KSR2: variants seen among roughly 807,000 people sequenced by gnomAD.
KSR2 encodes the protein kinase suppressor of ras 2.
KSR2 carries 25 observed loss-of-function variants against 107.8 expected under a neutral mutation model. That is an observed-to-expected ratio of 0.23 (90% CI 0.17 to 0.32). The LOEUF (loss-of-function observed/expected upper bound fraction) is 0.32, where lower values mean the gene tolerates loss of function less well. Ranked by LOEUF, KSR2 falls within the 10% of genes least tolerant of loss-of-function variation. The pLI, the probability that KSR2 is intolerant of heterozygous loss-of-function variation, is 1.00. For missense variants in KSR2, 887 were observed against 1,268.9 expected, an observed-to-expected ratio of 0.70 and a Z score of 4.57; for synonymous variants, 480 against 507.0, an observed-to-expected ratio of 0.95 and a Z score of 0.71.
chr12:117,645,987 A>G (rs918444900), intron 5 of KSR2, among the ~76,000 whole-genome samples: 2 of 151,760 alleles, frequency 1.3e-5, no homozygotes, highest in African/African-American at 4.8e-5. Flanking sequence ...AATATGTTCA[A>G]GTCCCTGATA....
intron 5 of KSR2, among the ~76,000 whole-genome samples, chr12:117,603,983 C>T (rs1264155878): frequency 6.6e-6 from 1 of 152,220 alleles, no homozygotes; most frequent in Admixed American, 6.5e-5. Context: ...AGATCACCAA[C>T]CATGGAGTGG....
intron 14 of KSR2, among the ~76,000 whole-genome samples, chr12:117,520,930 G>A (rs530255170): frequency 4.6e-5 from 7 of 152,238 alleles, no homozygotes; most frequent in South Asian, 4.2e-4. Context: ...GGCCAGGGAC[G>A]CTGCCAAACA....
At chr12:117,920,417 T>G (rs749349297) in intron 1 of KSR2, among the ~76,000 whole-genome samples, 1 of 151,970 alleles carries the variant, frequency 6.6e-6, no homozygotes, top group Non-Finnish European at 1.5e-5. Flanking sequence ...TTTTAACAAT[T>G]TTAATGAAAG....
intron 3 of KSR2, among the ~76,000 whole-genome samples, chr12:117,840,962 G>A (rs1313538661): frequency 3.3e-5 from 5 of 151,366 alleles, no homozygotes; most frequent in Admixed American, 6.6e-5. Flanking sequence ...AGATTAAGCC[G>A]CTGCAATCTA....
chr12:117,745,599 A>G (rs918308631), intron 4 of KSR2, among the ~76,000 whole-genome samples: 3 of 152,198 alleles, frequency 2.0e-5, no homozygotes, highest in Admixed American at 1.3e-4. Flanking sequence ...GGCAAGAGAA[A>G]GAAATAAAGG....
chr12:117,739,673 C>G (rs562414774), intron 4 of KSR2, among the ~76,000 whole-genome samples: 1 of 152,268 alleles, frequency 6.6e-6, no homozygotes, highest in South Asian at 2.1e-4. Flanking sequence ...GCAAGACATG[C>G]AGGGTCCTTG....
At position 117,469,807 on chromosome 12, in the gene KSR2, C is replaced by A; in HGVS notation, c.2713-12G>T. ...AAGAGAAGAATGTCCTAAATGAAACCAATGTGTGGTGATTACACATAAATG... is the reference window on the plus strand; with the variant it reads ...AAGAGAAGAATGTCCTAAATGAAACAAATGTGTGGTGATTACACATAAATG... On this transcript the variant is annotated splice_polypyrimidine_tract_variant and intron_variant, in intron 18 of 19. Coordinates refer to ENST00000339824, the MANE Select transcript of KSR2 (RefSeq NM_173598.6). 6.2e-6 allele frequency: 10 copies of A among 1,613,550 alleles called. No individual in the cohort carries two copies. Among genetic ancestry groups the A allele is most frequent in the Non-Finnish European group, 8.5e-6 (10 of 1,179,672 alleles).
At chr12:117,498,094 G>A (rs757312274) in intron 14 of KSR2, among the ~76,000 whole-genome samples, 15 of 152,116 alleles carry the variant, frequency 9.9e-5, no homozygotes, top group African/African-American at 3.6e-4. Flanking sequence ...GATTACCTGC[G>A]CCAGGGTCCT....
chr12:117,600,201 C>T (rs552481993), intron 5 of KSR2, among the ~76,000 whole-genome samples: 12 of 152,314 alleles, frequency 7.9e-5, no homozygotes, highest in Admixed American at 5.9e-4. Flanking sequence ...TGATTGCAAC[C>T]CTCCAGGAGG....
At chr12:117,517,589 A>C (rs1275991641) in intron 14 of KSR2, 1 of 333,448 alleles carries the variant, frequency 3.0e-6, no homozygotes, top group Non-Finnish European at 5.8e-6. Context: ...TGCAATGTAC[A>C]TGAGATGATG....
chr12:117,554,059 C>A (rs1176285421), intron 9 of KSR2, among the ~76,000 whole-genome samples: 1 of 152,134 alleles, frequency 6.6e-6, no homozygotes, highest in African/African-American at 2.4e-5. Context: ...TCCTTCATAG[C>A]AATGCAAATG....
At position 117,902,495 on chromosome 12, in the gene KSR2, T is replaced by TTAA. The variant is rs542370990; in HGVS notation, c.181-42065_181-42064insTTA. On this transcript the variant is annotated intron_variant, in intron 1 of 19. Coordinates refer to ENST00000339824, the MANE Select transcript of KSR2 (RefSeq NM_173598.6). ...TGGGCGACAGAGTGAGACTCTGTCTTAAAAAAAAAAAAAAAAAAAAAAATG... is the reference window on the plus strand; with the variant it reads ...TGGGCGACAGAGTGAGACTCTGTCTTTAAAAAAAAAAAAAAAAAAAAAAAAATG... 8.0e-4 allele frequency among the ~76,000 whole-genome samples: 82 copies of TTAA among 102,492 alleles called. No individual in the cohort carries two copies. In the East Asian group the frequency reaches 9.4e-3, roughly 12 times the overall value. 67.2% of individuals were successfully genotyped at this position (102,492 alleles called of 152,430 possible). A position where few individuals can be genotyped will look rare whatever the true frequency, so the allele number is the denominator to read the frequency against.
intron 4 of KSR2, among the ~76,000 whole-genome samples, chr12:117,672,261 T>G (rs1345744897): frequency 6.6e-6 from 1 of 152,198 alleles, no homozygotes; most frequent in Admixed American, 6.5e-5. Context: ...GACTGTGTAC[T>G]TAAGATTTAG....
At chr12:117,626,109 T>C (rs4553436) in intron 5 of KSR2, among the ~76,000 whole-genome samples, 138,313 of 152,090 alleles carry the variant, frequency 0.91, 63,150 homozygotes, top group East Asian at 0.99. Context: ...TCTTTATTAG[T>C]CTTGCTAGCA....
At chr12:117,634,279 T>A (rs1392628713) in intron 5 of KSR2, among the ~76,000 whole-genome samples, 1 of 152,092 alleles carries the variant, frequency 6.6e-6, no homozygotes, top group East Asian at 1.9e-4. Flanking sequence ...AGAGGAAAAC[T>A]ACACACACTG....
At chr12:117,837,154 G>A (rs986318756) in intron 3 of KSR2, among the ~76,000 whole-genome samples, 1 of 152,152 alleles carries the variant, frequency 6.6e-6, no homozygotes, top group African/African-American at 2.4e-5. Context: ...CTAGGGGCCA[G>A]CCGGGAAAGA....
chr12:117,890,875 T>C (rs1894321110), intron 1 of KSR2: 1 of 152,116 alleles, frequency 6.6e-6, no homozygotes, highest in Non-Finnish European at 1.5e-5. Context: ...GAGTGGAATA[T>C]TGCAACATCC....
At chr12:117,488,351 A>C (rs955005109) in intron 14 of KSR2, among the ~76,000 whole-genome samples, 49 of 152,206 alleles carry the variant, frequency 3.2e-4, no homozygotes, top group African/African-American at 1.2e-3. Context: ...CTACACATGC[A>C]CTAGAATGTT....
intron 1 of KSR2, among the ~76,000 whole-genome samples, chr12:117,865,907 G>A (rs1893450038): frequency 6.6e-6 from 1 of 152,148 alleles, no homozygotes; most frequent in South Asian, 2.1e-4. Flanking sequence ...GTATCATATA[G>A]CATAGCGAGC....
Sources: allele counts gnomAD v4.1 joint callset (sites outside exome capture counted in the v4.1 genomes callset), GRCh38; gene constraint gnomAD v4.1.1; transcripts MANE v1.5; gene names NCBI Gene and HGNC (gene_info 2026-07-23, HGNC 2026-07-21).